ADAMTSL1: variants seen among roughly 807,000 people sequenced by gnomAD.
ADAMTSL1 encodes ADAMTS like 1.
A neutral mutation model predicts 201.8 loss-of-function variants in ADAMTSL1; 126 were observed. That is an observed-to-expected ratio of 0.62 (90% CI 0.54 to 0.72). ADAMTSL1 has a LOEUF of 0.72. Among genes scored for constraint, ADAMTSL1 ranks in the 30% least tolerant of loss-of-function variants. The probability of loss-of-function intolerance (pLI) is 0.00; values close to 1 mark genes in which losing one functional copy is unlikely to be tolerated. For missense variants in ADAMTSL1, 2,679 were observed against 2,277.8 expected (o/e 1.18, Z -3.59); for synonymous variants, 1,121 against 903.4 (o/e 1.24, Z -4.32).
At chr9:18,536,618 A>G (rs1427663442) in intron 3 of ADAMTSL1, among the ~76,000 whole-genome samples, 1 of 152,136 alleles carries the variant, frequency 6.6e-6, no homozygotes, top group African/African-American at 2.4e-5. Flanking sequence ...GACTATTTTC[A>G]TTCCTAAGGA....
Position 18,863,827 on chromosome 9 carries a change from G to A in ADAMTSL1, c.4250-24004G>A, listed in dbSNP as rs115527927. 5.4e-3 allele frequency among the ~76,000 whole-genome samples: 829 copies of A among 152,178 alleles called. 8 individuals carry two copies. The highest frequency in any genetic ancestry group is 0.018 in the African/African-American group (766 of 41,522). ...GAGGCCCGTACACACCACATACCAC[G>A]AGCAAAATGGAGATCCCTCTATAAA... On this transcript the variant is annotated intron_variant, in intron 23 of 28. Coordinates refer to ENST00000380548, the MANE Select transcript of ADAMTSL1 (RefSeq NM_001040272.6).
intron 7 of ADAMTSL1, among the ~76,000 whole-genome samples, chr9:18,647,227 G>A (rs188208338): frequency 2.0e-5 from 3 of 152,114 alleles, no homozygotes; most frequent in Admixed American, 1.3e-4. Flanking sequence ...TGGGATCGGT[G>A]GTGATATCCC....
intron 1 of ADAMTSL1, among the ~76,000 whole-genome samples, chr9:18,028,507 C>G (rs1586916213): frequency 6.6e-6 from 1 of 152,044 alleles, no homozygotes; most frequent in Non-Finnish European, 1.5e-5. Flanking sequence ...ATGGGGTTCT[C>G]TTCTCTGACC....
In ADAMTSL1 at chr9:18,035,379, G is replaced by C. The variant is rs1264154289; in HGVS notation, c.87+128457G>C. Reference sequence around the variant, plus strand: ...TTTTCTCTTGGCAGCCAAAGGAGGAGCAAAAAGTCCAGATTGTGTCCTTTA... The same window carrying C: ...TTTTCTCTTGGCAGCCAAAGGAGGACCAAAAAGTCCAGATTGTGTCCTTTA... On this transcript the variant is annotated intron_variant, in intron 1 of 29. Coordinates refer to the ADAMTSL1 transcript ENST00000680146. Among the ~76,000 whole-genome samples the C allele has an allele frequency of 2.0e-5, 3 of 152,190 alleles. 1 individual carries two copies. Among genetic ancestry groups the C allele is most frequent in the Admixed American group, 2.0e-4 (3 of 15,276 alleles).
intron 15 of ADAMTSL1, 51 bp from the exon 16 acceptor site, chr9:18,753,247 C>T: frequency 5.2e-6 from 8 of 1,536,106 alleles, no homozygotes; most frequent in Non-Finnish European, 7.1e-6. Flanking sequence ...GGGAAACATT[C>T]TCTGCACAGG....
intron 2 of ADAMTSL1, among the ~76,000 whole-genome samples, chr9:18,459,041 G>C (rs1820712894): frequency 6.6e-6 from 1 of 152,122 alleles, no homozygotes; most frequent in Non-Finnish European, 1.5e-5. Flanking sequence ...GTTTAAAAGG[G>C]GGAAAAGGTG....
intron 3 of ADAMTSL1, among the ~76,000 whole-genome samples, chr9:18,571,519 A>G (rs911578257): frequency 6.6e-6 from 1 of 152,236 alleles, no homozygotes; most frequent in African/African-American, 2.4e-5. Flanking sequence ...TATCAAACGA[A>G]AATACTGTAT....
intron 1 of ADAMTSL1, among the ~76,000 whole-genome samples, chr9:17,979,595 C>G (rs1818605135): frequency 6.7e-6 from 1 of 150,130 alleles, no homozygotes. Context: ...ACTGAACTTT[C>G]TTAAGACAGT....
intron 15 of ADAMTSL1, among the ~76,000 whole-genome samples, chr9:18,749,031 T>G (rs1420861974): frequency 2.6e-5 from 4 of 152,214 alleles, no homozygotes; most frequent in Admixed American, 2.6e-4. Context: ...CATGGCATTT[T>G]GCCTGTGTGT....
intron 1 of ADAMTSL1, among the ~76,000 whole-genome samples, chr9:18,478,544 T>A (rs1821574058): frequency 6.6e-6 from 1 of 152,212 alleles, no homozygotes; most frequent in Non-Finnish European, 1.5e-5. Context: ...TAGTTCTGTT[T>A]CTTTGGTCAA....
At chr9:18,810,699 G>A (rs1215274065) in intron 20 of ADAMTSL1, among the ~76,000 whole-genome samples, 2 of 152,080 alleles carry the variant, frequency 1.3e-5, no homozygotes, top group Non-Finnish European at 2.9e-5. Flanking sequence ...ATTGTATTTT[G>A]TAGTCATGTG....
chr9:18,623,737 T>C (rs1357728963), intron 5 of ADAMTSL1, among the ~76,000 whole-genome samples: 2 of 152,202 alleles, frequency 1.3e-5, no homozygotes, highest in Non-Finnish European at 2.9e-5. Flanking sequence ...GACATGCATT[T>C]TTAGAATTAT....
At chr9:17,943,110 CTT>C (rs1233205249) in intron 1 of ADAMTSL1, among the ~76,000 whole-genome samples, 1 of 151,926 alleles carries the variant, frequency 6.6e-6, no homozygotes, top group Non-Finnish European at 1.5e-5. Context: ...TCTTTTCTCT[CTT>C]CTCTTCTTCT....
At chr9:18,772,629 T>C (rs1820761351) in intron 17 of ADAMTSL1, among the ~76,000 whole-genome samples, 1 of 152,252 alleles carries the variant, frequency 6.6e-6, no homozygotes. Flanking sequence ...GTATCCATCA[T>C]GTAGGTGGGA....
At chr9:18,365,560 T>C (rs1020462732) in intron 2 of ADAMTSL1, among the ~76,000 whole-genome samples, 5 of 152,168 alleles carry the variant, frequency 3.3e-5, no homozygotes, top group Admixed American at 2.6e-4. Flanking sequence ...ATATGGCAAT[T>C]CCACAGTAAT....
chr9:18,813,839 C>A (rs28809508), intron 20 of ADAMTSL1, among the ~76,000 whole-genome samples: 4,842 of 152,228 alleles, frequency 0.032, 253 homozygotes, highest in African/African-American at 0.11. Flanking sequence ...CTAAGACTTG[C>A]AGTACTATGT....
chr9:18,870,742 C>A (rs1289039983), intron 23 of ADAMTSL1, among the ~76,000 whole-genome samples: 1 of 151,388 alleles, frequency 6.6e-6, no homozygotes, highest in Non-Finnish European at 1.5e-5. Flanking sequence ...TGTCCTATTT[C>A]TGCCACTGTT....
intron 1 of ADAMTSL1, among the ~76,000 whole-genome samples, chr9:18,056,589 A>T (rs578249829): frequency 4.6e-5 from 7 of 152,302 alleles, no homozygotes; most frequent in Non-Finnish European, 8.8e-5. Context: ...GGAGGTAGGG[A>T]GCAAAAGAAG....
intron 4 of ADAMTSL1, among the ~76,000 whole-genome samples, chr9:18,578,057 G>A (rs182863130): frequency 1.3e-4 from 19 of 151,552 alleles, no homozygotes; most frequent in Admixed American, 1.3e-3. Flanking sequence ...TTTGAAAGCA[G>A]GGCCTTTGAG....
Sources: allele counts gnomAD v4.1 joint callset (sites outside exome capture counted in the v4.1 genomes callset), GRCh38; gene constraint gnomAD v4.1.1; transcripts MANE v1.5; gene names NCBI Gene and HGNC (gene_info 2026-07-23, HGNC 2026-07-21).